DENND2B: variants seen among roughly 807,000 people sequenced by gnomAD.
The protein encoded by DENND2B is DENN domain-containing protein 2B.
Under a neutral mutation model 116.0 loss-of-function variants are expected in DENND2B, and 32 were observed. That is an observed-to-expected ratio of 0.28 (90% CI 0.21 to 0.37). The LOEUF (loss-of-function observed/expected upper bound fraction) is 0.37. Ranked by LOEUF, DENND2B falls within the 10% of genes least tolerant of loss-of-function variation. DENND2B has a pLI of 1.00. For synonymous variants in DENND2B, 588 were observed against 583.9 expected, an observed-to-expected ratio of 1.01 and a Z score of -0.10; for missense variants, 1,276 against 1,477.7, an observed-to-expected ratio of 0.86 and a Z score of 2.24.
chr11:8,903,824 G>A (rs2064201037), intron 1 of DENND2B, among the ~76,000 whole-genome samples: 1 of 147,208 alleles, frequency 6.8e-6, no homozygotes, highest in South Asian at 2.1e-4. Flanking sequence ...AGGGAGTTGA[G>A]GCTGTAGTGA....
At chr11:8,809,045 C>G (rs1431064874) in intron 1 of DENND2B, 1 of 152,218 alleles carries the variant, frequency 6.6e-6, no homozygotes, top group African/African-American at 2.4e-5. Flanking sequence ...ACACTGCCAA[C>G]TGAAGGGGCC....
At chr11:8,698,890 G>A (rs1444364982) in intron 16 of DENND2B, 43 bp downstream of exon 16, 6 of 1,611,258 alleles carry the variant, frequency 3.7e-6, no homozygotes, top group Non-Finnish European at 8.5e-7. Context: ...TGATGGTGCA[G>A]GGTGCTCAGG....
intron 7 of DENND2B, 113 bp downstream of exon 7, chr11:8,714,497 T>A: frequency 1.2e-6 from 1 of 864,110 alleles, no homozygotes; most frequent in South Asian, 1.6e-5. Flanking sequence ...TCCTCCCTCC[T>A]ACGTGGCCAT....
Position 8,793,313 on chromosome 11 carries a change from C to T in DENND2B, c.-26+17204G>A, listed in dbSNP as rs141355761. Among the ~76,000 whole-genome samples the T allele has an allele frequency of 3.2e-3, 493 of 152,280 alleles. 4 individuals are homozygous for T. The highest frequency in any genetic ancestry group is 0.011 in the African/African-American group (455 of 41,554). On this transcript the variant is annotated intron_variant, in intron 1 of 19. Coordinates refer to ENST00000313726, the MANE Select transcript of DENND2B (RefSeq NM_213618.2). Reference sequence around the variant, plus strand: ...CCCAAACTTCTCCAAACAGTAACTCCGCAATGATTAAGCAATAACTCCCCA... The same window carrying T: ...CCCAAACTTCTCCAAACAGTAACTCTGCAATGATTAAGCAATAACTCCCCA...
chr11:8,836,557 GA>G (rs2062436312), intron 4 of DENND2B, among the ~76,000 whole-genome samples: 1 of 151,426 alleles, frequency 6.6e-6, no homozygotes, highest in African/African-American at 2.4e-5. Context: ...AAGTAGCTGT[GA>G]TTACAGGCAT....
intron 4 of DENND2B, 58 bp from the exon 5 acceptor site, chr11:8,717,950 C>G (rs2133841520): frequency 2.6e-6 from 4 of 1,547,898 alleles, no homozygotes; most frequent in Middle Eastern, 1.7e-4. Flanking sequence ...CACACGAACT[C>G]ACACACACAC....
chr11:8,695,190 T>A (rs186972146), intron 19 of DENND2B, among the ~76,000 whole-genome samples: 4 of 152,194 alleles, frequency 2.6e-5, no homozygotes, highest in Admixed American at 2.6e-4. Flanking sequence ...TACTATGCCA[T>A]TTTATAGAAG....
At chr11:8,726,539 T>C (rs1042418929) in intron 3 of DENND2B, among the ~76,000 whole-genome samples, 4 of 152,204 alleles carry the variant, frequency 2.6e-5, no homozygotes, top group Non-Finnish European at 5.9e-5. Context: ...GCCACCAGTA[T>C]TGGGACATCT....
chr11:8,784,664 C>G (rs1027953671), intron 1 of DENND2B: 1 of 151,986 alleles, frequency 6.6e-6, no homozygotes, highest in Non-Finnish European at 1.5e-5. Context: ...ATGGTGAAAC[C>G]CTGTTTCTAC....
At chr11:8,706,976 G>A (rs2042714562) in intron 13 of DENND2B, 109 bp downstream of exon 13, 5 of 1,386,594 alleles carry the variant, frequency 3.6e-6, no homozygotes, top group Non-Finnish European at 4.9e-6. Context: ...ACATGGTTGA[G>A]CAAGGAGGGA....
chr11:8,851,097 C>A (rs1195591309), intron 3 of DENND2B, among the ~76,000 whole-genome samples: 2 of 152,006 alleles, frequency 1.3e-5, no homozygotes, highest in Admixed American at 1.3e-4. Flanking sequence ...TAAATAAGTT[C>A]AAGAGATCTA....
rs2041957632 is a variant in DENND2B at position 8,702,852 on chromosome 11, T to G, written c.2572-132A>C. 9.0e-7 allele frequency: 1 copy of G among 1,111,530 alleles called. No homozygotes were observed. The highest frequency in any genetic ancestry group is 1.6e-5 in the African/African-American group (1 of 64,038). 68.9% of individuals were successfully genotyped at this position (1,111,530 alleles called of 1,614,324 possible). ...TCCAGGTCTCTCGTCTACCCTGCTA[T>G]GCAGTAAACCCCTCTTCTCCATCCC... On this transcript the variant is annotated intron_variant, in intron 13 of 19. Coordinates refer to ENST00000313726, the MANE Select transcript of DENND2B (RefSeq NM_213618.2). This position sits in a 1 kb window ranked among gnomAD's most constrained non-coding sequence, Gnocchi z 4.6.
At chr11:8,750,220 G>A (rs1320998116) in intron 2 of DENND2B, among the ~76,000 whole-genome samples, 1 of 152,164 alleles carries the variant, frequency 6.6e-6, no homozygotes, top group Admixed American at 6.5e-5. Flanking sequence ...AGCCTAGGCT[G>A]CTGCTTGGAG....
chr11:8,910,253 C>A (rs1589904079), intron 1 of DENND2B, among the ~76,000 whole-genome samples: 1 of 151,634 alleles, frequency 6.6e-6, no homozygotes, highest in East Asian at 2.0e-4. Flanking sequence ...TCCGTCTCGC[C>A]TCAATCCCGA....
chr11:8,746,674 G>A (rs1423995498), intron 2 of DENND2B, among the ~76,000 whole-genome samples: 2 of 152,150 alleles, frequency 1.3e-5, no homozygotes, highest in Non-Finnish European at 2.9e-5. Context: ...GAAATGTAAG[G>A]TTTGCATTAG....
chr11:8,754,063 A>ACACACACACACACACACAC (rs1555169802), intron 1 of DENND2B, among the ~76,000 whole-genome samples: 2 of 151,918 alleles, frequency 1.3e-5, no homozygotes, highest in African/African-American at 2.4e-5. Context: ...ACACACACAC[A>ACACACACACACACACACAC]AAGGACATGA....
chr11:8,694,258 G>T, intron 19 of DENND2B, 128 bp from the exon 20 acceptor site: 1 of 1,118,966 alleles, frequency 8.9e-7, no homozygotes, highest in South Asian at 1.4e-5. Context: ...TTATAACTGT[G>T]ATCTGATCCA....
intron 1 of DENND2B, among the ~76,000 whole-genome samples, chr11:8,799,738 C>T (rs988355148): frequency 1.3e-5 from 2 of 151,440 alleles, no homozygotes; most frequent in African/African-American, 2.4e-5. Flanking sequence ...AAAACCAGAG[C>T]ACACTCCTTT....
rs763214639 is a variant in DENND2B at position 8,694,149 on chromosome 11, A to G, written c.3380-19T>C. On this transcript the variant is annotated intron_variant, in intron 19 of 19. Transcript: ENST00000313726. ...TTGTTGCCTGTGGGCCAGAGAGGAC[A>G]AGAGAGAATGTTCAGTGTTATCCCT... The G allele has an allele frequency of 6.2e-7, 1 of 1,614,088 alleles. No individual in the cohort carries two copies.
Sources: allele counts gnomAD v4.1 joint callset (sites outside exome capture counted in the v4.1 genomes callset), GRCh38; gene constraint gnomAD v4.1.1; non-coding constraint Gnocchi (gnomAD v3.1); transcripts MANE v1.5; gene names NCBI Gene and HGNC (gene_info 2026-07-23, HGNC 2026-07-21).